COL8A1: variants seen among roughly 807,000 people sequenced by gnomAD.
COL8A1 encodes the protein collagen type VIII alpha 1 chain, also known as collagen alpha-1(VIII) chain.
COL8A1 carries 21 observed loss-of-function variants against 42.7 expected under a neutral mutation model. The observed-to-expected ratio is 0.49, with a 90% CI of 0.35 to 0.71. The LOEUF (loss-of-function observed/expected upper bound fraction) is 0.71. COL8A1 is among the 30% of genes least tolerant of loss of function. The pLI, the probability that COL8A1 is intolerant of heterozygous loss-of-function variation, is 0.01. For missense variants in COL8A1, 788 were observed against 962.4 expected, an observed-to-expected ratio of 0.82 and a Z score of 2.40; for synonymous variants, 367 against 369.1, an observed-to-expected ratio of 0.99 and a Z score of 0.06.
intron 2 of COL8A1, among the ~76,000 whole-genome samples, chr3:99,782,278 G>A (rs944478089): frequency 3.3e-5 from 5 of 152,068 alleles, no homozygotes; most frequent in African/African-American, 4.8e-5. Flanking sequence ...TTATTCCATC[G>A]CCAACTGTAA....
chr3:99,750,243 G>T (rs1941117793), intron 2 of COL8A1, among the ~76,000 whole-genome samples: 2 of 151,780 alleles, frequency 1.3e-5, no homozygotes, highest in Middle Eastern at 3.4e-3. Flanking sequence ...TTTTAGTAGA[G>T]ACAGGGTTTC....
At chr3:99,747,825 CTT>C (rs1388994379) in intron 2 of COL8A1, among the ~76,000 whole-genome samples, 1 of 152,122 alleles carries the variant, frequency 6.6e-6, no homozygotes, top group Non-Finnish European at 1.5e-5. Context: ...AATAAAAAGA[CTT>C]TTAAAAATAA....
chr3:99,781,456 T>C (rs1941791844), intron 2 of COL8A1, among the ~76,000 whole-genome samples: 1 of 152,240 alleles, frequency 6.6e-6, no homozygotes, highest in Non-Finnish European at 1.5e-5. Flanking sequence ...TTCAGGGTTA[T>C]ATGATTCAAA....
chr3:99,731,393 T>C (rs527525692), intron 1 of COL8A1, among the ~76,000 whole-genome samples: 1 of 152,222 alleles, frequency 6.6e-6, no homozygotes, highest in East Asian at 1.9e-4. Flanking sequence ...GGATCAGCTC[T>C]CTGTTTTTCA....
chr3:99,776,579 A>G (rs952269620), intron 2 of COL8A1, among the ~76,000 whole-genome samples: 1 of 152,158 alleles, frequency 6.6e-6, no homozygotes, highest in East Asian at 1.9e-4. Flanking sequence ...ATAAATGAAA[A>G]TGTTACCGGA....
At chr3:99,731,343 G>A (rs497868) in intron 1 of COL8A1, among the ~76,000 whole-genome samples, 1 of 151,856 alleles carries the variant, frequency 6.6e-6, no homozygotes, top group African/African-American at 2.4e-5. Context: ...TCTGGAGGAA[G>A]AGCATTATAG....
At chr3:99,656,132 A>G (rs1938014675) in intron 1 of COL8A1, among the ~76,000 whole-genome samples, 1 of 152,202 alleles carries the variant, frequency 6.6e-6, no homozygotes, top group South Asian at 2.1e-4. Context: ...CAAAAGAAGT[A>G]TATTTTGATC....
intron 2 of COL8A1, among the ~76,000 whole-genome samples, chr3:99,745,719 T>C (rs1481425090): frequency 6.6e-6 from 1 of 152,086 alleles, no homozygotes; most frequent in African/African-American, 2.4e-5. Context: ...GTATTGAATA[T>C]ACTCACAGCA....
Position 99,732,126 on chromosome 3 carries a change from T to C in COL8A1, c.-128-12771T>C, listed in dbSNP as rs144604105. On this transcript the variant is annotated intron_variant, in intron 1 of 3. Coordinates refer to ENST00000652472, the MANE Select transcript of COL8A1 (RefSeq NM_020351.4). Reference sequence around the variant, plus strand: ...ACTTGGAGAGAATATATTTTTGTTGTTTTAAGGCAAAAACTAATAAATAAA... The same window carrying C: ...ACTTGGAGAGAATATATTTTTGTTGCTTTAAGGCAAAAACTAATAAATAAA... Among the ~76,000 whole-genome samples the C allele has an allele frequency of 3.4e-3, 514 of 152,236 alleles. 2 individuals carry two copies. Among genetic ancestry groups the C allele is most frequent in the African/African-American group, 0.012 (482 of 41,542 alleles).
intron 3 of COL8A1, among the ~76,000 whole-genome samples, chr3:99,792,336 C>CAGT (rs1177560186): frequency 6.6e-6 from 1 of 152,170 alleles, no homozygotes; most frequent in East Asian, 1.9e-4. Context: ...TATTCTCTGA[C>CAGT]AGTAGCTCAG....
chr3:99,692,375 A>T (rs1040430365), intron 1 of COL8A1, among the ~76,000 whole-genome samples: 1 of 152,248 alleles, frequency 6.6e-6, no homozygotes, highest in African/African-American at 2.4e-5. Context: ...TATTATGGCC[A>T]TATCTAAACT....
chr3:99,776,815 G>T (rs987561248), intron 2 of COL8A1, among the ~76,000 whole-genome samples: 2 of 152,238 alleles, frequency 1.3e-5, no homozygotes, highest in South Asian at 4.1e-4. Context: ...TTCTGGGAAA[G>T]GGGTAGGCAA....
intron 1 of COL8A1, among the ~76,000 whole-genome samples, chr3:99,642,893 C>T (rs1382398490): frequency 6.6e-6 from 1 of 152,102 alleles, no homozygotes; most frequent in Non-Finnish European, 1.5e-5. Flanking sequence ...TTTAAAATTG[C>T]TACTTGCCTC....
intron 1 of COL8A1, among the ~76,000 whole-genome samples, chr3:99,742,364 T>C (rs1354513274): frequency 2.0e-5 from 3 of 152,208 alleles, no homozygotes; most frequent in African/African-American, 7.2e-5. Context: ...TCTTCAAAAA[T>C]TAACTGAAAT....
intron 1 of COL8A1, among the ~76,000 whole-genome samples, chr3:99,651,648 C>T (rs1200794080): frequency 6.6e-6 from 1 of 152,226 alleles, no homozygotes; most frequent in Non-Finnish European, 1.5e-5. Flanking sequence ...AACATTCTGT[C>T]TGCAGATTAG....
At chr3:99,647,576 C>T (rs962341804) in intron 1 of COL8A1, among the ~76,000 whole-genome samples, 1 of 151,982 alleles carries the variant, frequency 6.6e-6, no homozygotes, top group Non-Finnish European at 1.5e-5. Flanking sequence ...CCTTTCCATC[C>T]CACTCTCTGG....
intron 1 of COL8A1, among the ~76,000 whole-genome samples, chr3:99,654,382 C>T (rs1403316711): frequency 1.3e-5 from 2 of 152,190 alleles, no homozygotes; most frequent in African/African-American, 2.4e-5. Context: ...TTAACTATCA[C>T]AATTCTACCT....
At chr3:99,759,156 T>C (rs1163309791) in intron 2 of COL8A1, among the ~76,000 whole-genome samples, 3 of 151,986 alleles carry the variant, frequency 2.0e-5, no homozygotes, top group Non-Finnish European at 2.9e-5. Context: ...TTTTGTTTGG[T>C]TTATTGTCTT....
rs188748962 is a variant in COL8A1 at position 99,651,750 on chromosome 3, G to A, written c.-129+13086G>A. The stretch of plus-strand genomic sequence containing the variant: ...GAGATGTTTAATGATGTCAGAGGTC[G>A]GCCACCCTACGTGCTTTCCTTCTGA... On this transcript the variant is annotated intron_variant, in intron 1 of 3. Coordinates refer to ENST00000652472, the MANE Select transcript of COL8A1 (RefSeq NM_020351.4). Among the ~76,000 whole-genome samples the A allele has an allele frequency of 3.8e-3, 586 of 152,270 alleles. 4 individuals carry two copies. Among genetic ancestry groups the A allele is most frequent in the Non-Finnish European group, 6.5e-3 (442 of 68,022 alleles).
Sources: gnomAD v4.1 joint callset for allele counts (sites outside exome capture counted in the v4.1 genomes callset) on GRCh38, gnomAD v4.1.1 for gene constraint, MANE v1.5 for transcripts, NCBI Gene and HGNC (gene_info 2026-07-23, HGNC 2026-07-21) for gene names.